TTLL12: variants seen among roughly 807,000 people sequenced by gnomAD.
The protein encoded by TTLL12 is tubulin--tyrosine ligase-like protein 12.
In TTLL12, 77 loss-of-function variants were observed where a neutral mutation model predicts 79.6. The observed-to-expected ratio is 0.97, with a 90% CI of 0.81 to 1.17. The LOEUF (loss-of-function observed/expected upper bound fraction) is 1.17. Ranked by LOEUF, TTLL12 falls within the 50% of genes most tolerant of loss-of-function variation. The pLI is 0.00. For missense variants in TTLL12, 969 were observed against 895.9 expected, an observed-to-expected ratio of 1.08 and a Z score of -1.04; for synonymous variants, 437 against 376.1, an observed-to-expected ratio of 1.16 and a Z score of -1.87.
chr22:43,174,815 T>C lies in TTLL12; in HGVS notation c.918-200A>G, dbSNP rs1041536633. 3.9e-5 allele frequency among the ~76,000 whole-genome samples: 6 copies of C among 152,276 alleles called. No homozygotes were observed. In the East Asian group the frequency reaches 9.7e-4, roughly 25 times the overall value. ...TCTGCTGAGGGAGGGGCGCAACCTG[T>C]ACCCTTGTGACCCCTGGTTCCCCAT... is the stretch of plus-strand genomic sequence containing the variant. On this transcript the variant is annotated intron_variant, in intron 6 of 13. Transcript: ENST00000216129.
chr22:43,181,077 T>C, intron 2 of TTLL12, 137 bp from the exon 3 acceptor site: 5 of 998,882 alleles, frequency 5.0e-6, no homozygotes, highest in Non-Finnish European at 7.2e-6. Flanking sequence ...GCCATAGTTA[T>C]GCCTAGTTTT....
At position 43,167,437 on chromosome 22, in the gene TTLL12, GGGT is replaced by G. The variant is rs1411164849; in HGVS notation, c.*568_*570del. 3.4e-6 allele frequency: 1 copy of G among 298,124 alleles called. No homozygotes were observed. The highest frequency in any genetic ancestry group is 2.2e-5 in the African/African-American group (1 of 45,438). The allele number at this position is 298,124 out of a possible 1,614,324, so 18.5% of individuals were successfully genotyped here. A position where few individuals can be genotyped will look rare whatever the true frequency, so the allele number is the denominator to read the frequency against. ...GAATGGGTGATAAGGCGGGCTTGCT[GGGT>G]GGTGGCCTCAGGCTGTTCCTGGGCC... On this transcript the variant is annotated 3_prime_UTR_variant, in exon 14 of 14. Transcript: ENST00000216129.
Position 43,174,522 on chromosome 22 carries a change from G to A in TTLL12, c.1011C>T (p.Asn337=). The stretch of plus-strand genomic sequence containing the variant: ...ACCTGTAGTCCTTGAAGTGTGAGAA[G>A]TTGAAGAGGATGTCGGCGTCCGCCT... The part of the protein sequence containing the change: ...QSEADADILF[N]FSHFKDYRKL... Residue 337 remains asparagine (N), a synonymous_variant, in exon 7 of 14, where the codon AAC becomes AAT. Coordinates refer to ENST00000216129, the MANE Select transcript of TTLL12 (RefSeq NM_015140.4). 4 of 1,613,230 alleles carry A rather than the reference G, an allele frequency of 2.5e-6. No homozygotes were observed. Among genetic ancestry groups the A allele is most frequent in the Non-Finnish European group, 3.4e-6 (4 of 1,179,580 alleles).
At chr22:43,182,925 T>A in intron 2 of TTLL12, 55 bp downstream of exon 2, 1 of 1,585,710 alleles carries the variant, frequency 6.3e-7, no homozygotes, top group Non-Finnish European at 8.6e-7. Flanking sequence ...CATTACTGCA[T>A]CTCCCACCTT....
At chr22:43,180,423 G>C (rs925275129) in intron 3 of TTLL12, among the ~76,000 whole-genome samples, 2 of 152,296 alleles carry the variant, frequency 1.3e-5, no homozygotes, top group Admixed American at 1.3e-4. Flanking sequence ...GGAGCATGGG[G>C]TGAGTCCCCG....
chr22:43,185,262 T>TCC (rs1932152577), intron 1 of TTLL12, among the ~76,000 whole-genome samples: 3 of 12,538 alleles, frequency 2.4e-4, no homozygotes. Flanking sequence ...TATATATATA[T>TCC]ATATATATAT....
Position 43,167,600 on chromosome 22 carries a change from G to A in TTLL12, c.*408C>T, listed in dbSNP as rs749730377. 7.6e-5 allele frequency: 14 copies of A among 184,956 alleles called. No individual in the cohort carries two copies. The highest frequency in any genetic ancestry group is 1.9e-4 in the African/African-American group (8 of 42,576). 11.5% of individuals were successfully genotyped at this position (184,956 alleles called of 1,614,324 possible). A position where few individuals can be genotyped will look rare whatever the true frequency, so the allele number is the denominator to read the frequency against. The stretch of plus-strand genomic sequence containing the variant: ...GATACAGGGCTCCCAAACGCTTCCC[G>A]GTGGAACCCTGCTCCCGAGGACACC... On this transcript the variant is annotated 3_prime_UTR_variant, in exon 14 of 14. Transcript: ENST00000216129.
At position 43,180,896 on chromosome 22, in the gene TTLL12, G is replaced by A. The variant is rs771565831; in HGVS notation, c.392C>T (p.Ala131Val). The A allele has an allele frequency of 6.2e-6, 10 of 1,612,720 alleles. No homozygotes were observed. Among genetic ancestry groups the A allele is most frequent in the East Asian group, 2.2e-5 (1 of 44,868 alleles). ...DHAWTCRVEH[A>V]RQQLQQVPGL... ...GGGCACCTGCTGCAGCTGCTGGCGC[G>A]CGTGCTCCACACGGCACGTCCAGGC... Residue 131 changes from alanine (A) to valine (V), a missense_variant, in exon 3 of 14, where the codon GCG (alanine) becomes GTG (valine). By Grantham distance (64) the Ala-to-Val change is moderately conservative (BLOSUM62 0). Transcript: ENST00000216129.
intron 12 of TTLL12, 32 bp from the exon 13 acceptor site, chr22:43,168,944 T>G (rs1249193374): frequency 2.5e-6 from 4 of 1,590,732 alleles, no homozygotes; most frequent in African/African-American, 1.3e-5. Context: ...TTACGAGGCC[T>G]GCTCAGAACA....
chr22:43,170,774 G>C (rs905410662), intron 11 of TTLL12, among the ~76,000 whole-genome samples: 1 of 152,108 alleles, frequency 6.6e-6, no homozygotes, highest in Non-Finnish European at 1.5e-5. Context: ...TTAGCCGGGC[G>C]TGGAGGCACG....
At chr22:43,176,267 A>AG in intron 6 of TTLL12, 53 bp downstream of exon 6, 1 of 1,303,598 alleles carries the variant, frequency 7.7e-7, no homozygotes, top group Non-Finnish European at 1.1e-6. Context: ...GAAGCATGGG[A>AG]GGCGGGGACT....
At position 43,174,451 on chromosome 22, in the gene TTLL12, C is replaced by A. The variant is rs780781588; in HGVS notation, c.1034+48G>T. On this transcript the variant is annotated intron_variant, in intron 7 of 13. Coordinates refer to ENST00000216129, the MANE Select transcript of TTLL12 (RefSeq NM_015140.4). ...CCAGCTCAAGGGGAGGCCGGCAGTGCCTAGAAGCCCTGACTGGGAGGGCCC... is the reference window on the plus strand; with the variant it reads ...CCAGCTCAAGGGGAGGCCGGCAGTGACTAGAAGCCCTGACTGGGAGGGCCC... 6.4e-6 allele frequency: 10 copies of A among 1,573,130 alleles called. No individual in the cohort carries two copies. The Admixed American group carries it at 1.7e-4, about 28-fold the overall frequency.
In TTLL12 at chr22:43,169,868, C is replaced by T. The variant is rs11913781; in HGVS notation, c.1576-300G>A. ...TTGCCACGCAGCTGTGAGGCTCACG[C>T]GAGACAATGAACATCGAGGGCTCCA... On this transcript the variant is annotated intron_variant, in intron 11 of 13. Transcript: ENST00000216129. 2.6e-3 allele frequency: 1,303 copies of T among 496,886 alleles called. 15 individuals are homozygous for T. Among genetic ancestry groups the T allele is most frequent in the African/African-American group, 0.022 (1,159 of 51,656 alleles). 30.8% of individuals were successfully genotyped at this position (496,886 alleles called of 1,614,324 possible).
chr22:43,172,334 T>A, intron 10 of TTLL12, 69 bp downstream of exon 10: 1 of 1,584,700 alleles, frequency 6.3e-7, no homozygotes, highest in Non-Finnish European at 8.6e-7. Context: ...AAAGGGCCCA[T>A]CACCCACCCG....
At chr22:43,176,247 TG>T in intron 6 of TTLL12, 72 bp downstream of exon 6, 1 of 1,158,408 alleles carries the variant, frequency 8.6e-7, no homozygotes, top group South Asian at 1.3e-5. Context: ...TCTGGGGCTG[TG>T]GGAACCACGA....
At chr22:43,168,203 C>T (rs1246134491) in intron 13 of TTLL12, 44 bp from the exon 14 acceptor site, 1 of 1,601,198 alleles carries the variant, frequency 6.2e-7, no homozygotes, top group Admixed American at 1.7e-5. Flanking sequence ...TCGTTGGCCT[C>T]CACTCTGCAG....
intron 6 of TTLL12, among the ~76,000 whole-genome samples, chr22:43,175,839 A>ATTTTTTTTTTTTT (rs753447234): frequency 7.8e-6 from 1 of 128,370 alleles, no homozygotes; most frequent in African/African-American, 3.0e-5. Flanking sequence ...TGCCCTACTA[A>ATTTTTTTTTTTTT]TTTTTTTTTT....
At chr22:43,171,731 G>A in intron 11 of TTLL12, 88 bp downstream of exon 11, 1 of 1,134,694 alleles carries the variant, frequency 8.8e-7, no homozygotes, top group South Asian at 1.3e-5. Context: ...CTGTGTGCCA[G>A]TCCTCCTAGG....
In TTLL12 at chr22:43,172,420, C is replaced by A; in HGVS notation, c.1476G>T (p.Trp492Cys). 2 of 1,614,134 alleles carry A rather than the reference C, an allele frequency of 1.2e-6. No homozygotes were observed. Among genetic ancestry groups the A allele is most frequent in the Middle Eastern group, 3.3e-4 (2 of 6,062 alleles). ...PLRLFVYDVFWLRFSNRAFAL... is the reference protein window; with the variant it reads ...PLRLFVYDVFCLRFSNRAFAL... ...CCACTTACCGGTTGGAGAACCGCAG[C>A]CAGAACACATCATACACGAACAACC... The change falls in exon 10 of 14, where the codon TGG becomes TGT. Residue 492 changes from tryptophan (W) to cysteine (C), a missense_variant. Trp to Cys is a radical substitution (Grantham distance 215). Transcript: ENST00000216129.
Sources: gnomAD v4.1 joint callset for allele counts (sites outside exome capture counted in the v4.1 genomes callset) on GRCh38, gnomAD v4.1.1 for gene constraint, MANE v1.5 for transcripts, NCBI Gene and HGNC (gene_info 2026-07-23, HGNC 2026-07-21) for gene names.